Variants in PTPRT observed in about 807,000 individuals in gnomAD.
PTPRT encodes receptor-type tyrosine-protein phosphatase T.
Under a neutral mutation model 176.8 loss-of-function variants are expected in PTPRT, and 56 were observed. That is an observed-to-expected ratio of 0.32 (90% confidence interval 0.26 to 0.40). The LOEUF (loss-of-function observed/expected upper bound fraction) is 0.40. Ranked by LOEUF, PTPRT falls within the 10% of genes least tolerant of loss-of-function variation. The pLI is 1.00. For missense variants in PTPRT, 1,540 were observed against 1,908.2 expected, an observed-to-expected ratio of 0.81 and a Z score of 3.60; for synonymous variants, 783 against 739.0, an observed-to-expected ratio of 1.06 and a Z score of -0.96.
intron 7 of PTPRT, among the ~76,000 whole-genome samples, chr20:42,504,117 T>C (rs960247087): frequency 6.6e-6 from 1 of 152,138 alleles, no homozygotes; most frequent in Admixed American, 6.6e-5. Context: ...TTGTGATTTA[T>C]TCATTATAAT....
At chr20:42,497,654 C>A (rs2071679037) in intron 7 of PTPRT, among the ~76,000 whole-genome samples, 1 of 152,086 alleles carries the variant, frequency 6.6e-6, no homozygotes, top group African/African-American at 2.4e-5. Context: ...GCATTACATA[C>A]CCCAGCTTTA....
At chr20:43,026,112 A>ATTGTT (rs929107104) in intron 1 of PTPRT, among the ~76,000 whole-genome samples, 6 of 151,718 alleles carry the variant, frequency 4.0e-5, no homozygotes, top group East Asian at 1.9e-4. Flanking sequence ...TAGAGACATT[A>ATTGTT]TTGTTTTGTT....
chr20:42,597,775 T>C (rs549902756), intron 7 of PTPRT, among the ~76,000 whole-genome samples: 1 of 152,306 alleles, frequency 6.6e-6, no homozygotes, highest in African/African-American at 2.4e-5. Context: ...GGTATTTCTT[T>C]ATAGCAGGGT....
At chr20:42,056,088 G>T in the PTPRT span, among the ~76,000 whole-genome samples, 1 of 152,112 alleles carries the variant, frequency 6.6e-6, no homozygotes, top group South Asian at 2.1e-4. Flanking sequence ...GAATCTTGTT[G>T]TTTTTCTCAT....
chr20:42,494,845 C>T (rs1480746986), intron 7 of PTPRT, among the ~76,000 whole-genome samples: 1 of 152,022 alleles, frequency 6.6e-6, no homozygotes, highest in Non-Finnish European at 1.5e-5. Context: ...TCCTCTATCC[C>T]CAATCTTCTG....
At chr20:42,150,215 C>G (rs977520247) in intron 17 of PTPRT, among the ~76,000 whole-genome samples, 2 of 152,152 alleles carry the variant, frequency 1.3e-5, no homozygotes, top group Admixed American at 6.5e-5. Context: ...CCTAGAGCAG[C>G]TCACTCCCAA....
chr20:42,208,059 G>A (rs1056745686), intron 15 of PTPRT, among the ~76,000 whole-genome samples: 3 of 125,518 alleles, frequency 2.4e-5, no homozygotes, highest in South Asian at 2.9e-4. Flanking sequence ...ATAAGTGAAG[G>A]AGAAATAAAA....
chr20:43,008,959 C>T (rs1448412498), intron 1 of PTPRT, among the ~76,000 whole-genome samples: 2 of 152,238 alleles, frequency 1.3e-5, no homozygotes, highest in East Asian at 1.9e-4. Flanking sequence ...GGTCTCTCCG[C>T]CTGACTTCAC....
At chr20:42,907,523 C>T (rs986385806) in intron 1 of PTPRT, among the ~76,000 whole-genome samples, 2 of 151,900 alleles carry the variant, frequency 1.3e-5, no homozygotes, top group African/African-American at 4.8e-5. Flanking sequence ...TGGGCCCACC[C>T]AAAATGCCAC....
chr20:42,851,554 C>A (rs1846396812), intron 2 of PTPRT, among the ~76,000 whole-genome samples: 1 of 152,220 alleles, frequency 6.6e-6, no homozygotes, highest in Admixed American at 6.5e-5. Flanking sequence ...ATATGTCACC[C>A]CAACCATAGA....
intron 6 of PTPRT, among the ~76,000 whole-genome samples, chr20:42,723,604 T>C (rs890867117): frequency 6.6e-6 from 1 of 152,170 alleles, no homozygotes; most frequent in Non-Finnish European, 1.5e-5. Context: ...GCCTGCATAA[T>C]ACCCCTCTTC....
intron 10 of PTPRT, among the ~76,000 whole-genome samples, chr20:42,351,233 C>T (rs1479326443): frequency 6.6e-6 from 1 of 151,986 alleles, no homozygotes; most frequent in East Asian, 1.9e-4. Context: ...TTAAAACCCA[C>T]ATCCTTTTTA....
At chr20:42,290,595 C>T (rs1034126496) in intron 12 of PTPRT, among the ~76,000 whole-genome samples, 2 of 152,116 alleles carry the variant, frequency 1.3e-5, no homozygotes, top group African/African-American at 4.8e-5. Flanking sequence ...ACTTTCAGTA[C>T]TCAGTCTTCT....
rs186413979 is a variant in PTPRT at position 42,422,006 on chromosome 20, G to C, written c.1560+26214C>G. Among the ~76,000 whole-genome samples, 6 of 152,334 alleles carry C rather than the reference G, an allele frequency of 3.9e-5. No individual in the cohort carries two copies. The East Asian group carries it at 1.2e-3, about 29-fold the overall frequency. ...TGGGATAACTGACTAGCCATATGCAGAAGACTGAAACTAAACCTTTTCCTT... is the reference window on the plus strand; with the variant it reads ...TGGGATAACTGACTAGCCATATGCACAAGACTGAAACTAAACCTTTTCCTT... On this transcript the variant is annotated intron_variant, in intron 9 of 30. Coordinates refer to ENST00000373187, the MANE Select transcript of PTPRT (RefSeq NM_007050.6).
chr20:43,058,713 T>A (rs1224980623), intron 1 of PTPRT, among the ~76,000 whole-genome samples: 1 of 152,230 alleles, frequency 6.6e-6, no homozygotes, highest in East Asian at 1.9e-4. Context: ...GCTCCAATTA[T>A]CAGACTGATC....
In PTPRT at chr20:42,072,884, A is replaced by G. The variant is rs1355863123; in HGVS notation, c.*7995T>C. On this transcript the variant is annotated 3_prime_UTR_variant, in exon 31 of 31. Coordinates refer to ENST00000373187, the MANE Select transcript of PTPRT (RefSeq NM_007050.6). The stretch of plus-strand genomic sequence containing the variant: ...GGACTTGCAGGTGTAAAAAGATTAC[A>G]CTTCACTGTAATGTACAGTCAAAAA... The G allele has an allele frequency of 8.9e-6, 2 of 223,626 alleles. No individual in the cohort carries two copies. Among genetic ancestry groups the G allele is most frequent in the African/African-American group, 4.5e-5 (2 of 44,830 alleles). 13.9% of individuals were successfully genotyped at this position (223,626 alleles called of 1,614,324 possible). A position where few individuals can be genotyped will look rare whatever the true frequency, so the allele number is the denominator to read the frequency against.
At chr20:42,427,846 C>T (rs1222662194) in intron 9 of PTPRT, among the ~76,000 whole-genome samples, 1 of 152,176 alleles carries the variant, frequency 6.6e-6, no homozygotes, top group African/African-American at 2.4e-5. Flanking sequence ...ATCTCCCCCA[C>T]CCTTAAGAAG....
chr20:42,473,089 T>C (rs62204887), intron 7 of PTPRT, among the ~76,000 whole-genome samples: 5,233 of 152,236 alleles, frequency 0.034, 228 homozygotes, highest in East Asian at 0.11. Context: ...TATCCATGCG[T>C]TCATCATGAC....
At chr20:42,825,145 T>C (rs893008128) in intron 2 of PTPRT, among the ~76,000 whole-genome samples, 2 of 152,068 alleles carry the variant, frequency 1.3e-5, no homozygotes, top group South Asian at 2.1e-4. Flanking sequence ...GAGGAGCAAT[T>C]TGATAATACG....
Sources: allele counts gnomAD v4.1 joint callset (sites outside exome capture counted in the v4.1 genomes callset), GRCh38; gene constraint gnomAD v4.1.1; transcripts MANE v1.5; gene names NCBI Gene and HGNC (gene_info 2026-07-23, HGNC 2026-07-21).